CTNNA2: variants seen among roughly 807,000 people sequenced by gnomAD.
The protein encoded by CTNNA2 is catenin alpha 2, also known as catenin alpha-2.
A neutral mutation model predicts 101.0 loss-of-function variants in CTNNA2; 42 were observed. The observed-to-expected ratio is 0.42, with a 90% CI of 0.32 to 0.54. The LOEUF (loss-of-function observed/expected upper bound fraction) is 0.54. Ranked by LOEUF, CTNNA2 falls within the 20% of genes least tolerant of loss-of-function variation. The probability of loss-of-function intolerance (pLI) is 0.14; values close to 1 mark genes in which losing one functional copy is unlikely to be tolerated. For synonymous variants in CTNNA2, 450 were observed against 456.4 expected (o/e 0.99, Z 0.18); for missense variants, 871 against 1,223.1 (o/e 0.71, Z 4.29).
chr2:79,297,533 A>ATTTTG (rs1312221433), intron 2 of CTNNA2, among the ~76,000 whole-genome samples: 1 of 152,160 alleles, frequency 6.6e-6, no homozygotes, highest in Non-Finnish European at 1.5e-5. Context: ...GCTAGACTTC[A>ATTTTG]TGGTTCATTT....
chr2:80,131,671 C>T (rs756758973), intron 7 of CTNNA2, among the ~76,000 whole-genome samples: 2 of 152,088 alleles, frequency 1.3e-5, no homozygotes, highest in Non-Finnish European at 2.9e-5. Flanking sequence ...TTTTTTCCAC[C>T]CACCCCAAAT....
intron 4 of CTNNA2, among the ~76,000 whole-genome samples, chr2:79,393,621 T>C (rs1439480451): frequency 1.8e-5 from 2 of 113,322 alleles, no homozygotes; most frequent in African/African-American, 3.5e-5. Context: ...AAGAAGATGT[T>C]CACAGAGAAA....
chr2:80,129,360 G>A (rs1438548899), intron 7 of CTNNA2, among the ~76,000 whole-genome samples: 1 of 152,158 alleles, frequency 6.6e-6, no homozygotes, highest in Non-Finnish European at 1.5e-5. Flanking sequence ...AGCTTCAAAG[G>A]AGTAGCGAGT....
intron 1 of CTNNA2, among the ~76,000 whole-genome samples, chr2:79,520,709 A>T (rs1672056658): frequency 6.6e-6 from 1 of 152,168 alleles, no homozygotes; most frequent in African/African-American, 2.4e-5. Context: ...GAAAATATAC[A>T]AATATCTAAT....
At chr2:79,512,453 C>G (rs370103793), upstream of CTNNA2, among the ~76,000 whole-genome samples, 1 of 152,090 alleles carries the variant, frequency 6.6e-6, no homozygotes, top group Non-Finnish European at 1.5e-5. Flanking sequence ...CCCAACAAAC[C>G]TCCCTTCCGC....
chr2:80,044,370 A>G (rs1428521474), intron 7 of CTNNA2, among the ~76,000 whole-genome samples: 1 of 95,782 alleles, frequency 1.0e-5, no homozygotes, highest in Non-Finnish European at 2.1e-5. Context: ...GAGGATGCAA[A>G]TGCCACATTT....
chr2:79,539,415 TAA>T lies in CTNNA2; in HGVS notation c.-6+26210_-6+26211del, dbSNP rs374254685. On this transcript the variant is annotated intron_variant, in intron 1 of 18. Coordinates refer to ENST00000402739, the MANE Select transcript of CTNNA2 (RefSeq NM_001282597.3). ...TCTGTGGTCCTGGGTCCTCTGGATA[TAA>T]AGTCATGAAGGCTAAATCACTGTAA... Among the ~76,000 whole-genome samples the T allele has an allele frequency of 5.4e-4, 82 of 152,304 alleles. 2 individuals carry two copies. In the South Asian group the frequency reaches 0.015, roughly 28 times the overall value.
At chr2:80,219,844 A>G (rs1056248476) in intron 7 of CTNNA2, among the ~76,000 whole-genome samples, 2 of 152,222 alleles carry the variant, frequency 1.3e-5, no homozygotes, top group Admixed American at 1.3e-4. Context: ...TCCATTTAAC[A>G]TAAACACATC....
At chr2:79,222,583 T>C (rs919231125) in intron 2 of CTNNA2, among the ~76,000 whole-genome samples, 6 of 152,190 alleles carry the variant, frequency 3.9e-5, no homozygotes, top group African/African-American at 7.2e-5. Context: ...AGATCAATAC[T>C]TGCACATACC....
At chr2:80,154,220 T>C (rs768884646) in intron 7 of CTNNA2, among the ~76,000 whole-genome samples, 21 of 152,134 alleles carry the variant, frequency 1.4e-4, no homozygotes, top group Non-Finnish European at 2.5e-4. Context: ...TCATGGCTTT[T>C]TGGCTATTAA....
chr2:79,712,146 A>C (rs1276170825), intron 2 of CTNNA2, among the ~76,000 whole-genome samples: 1 of 152,164 alleles, frequency 6.6e-6, no homozygotes, highest in East Asian at 1.9e-4. Flanking sequence ...TCAACCTGTA[A>C]AGCAATTCTG....
intron 3 of CTNNA2, among the ~76,000 whole-genome samples, chr2:79,796,240 A>G (rs1675683945): frequency 1.3e-5 from 2 of 152,148 alleles, no homozygotes; most frequent in Admixed American, 1.3e-4. Flanking sequence ...GGAACTTAAG[A>G]AAGATTTTAA....
At chr2:79,352,714 A>G (rs1677418878) in intron 3 of CTNNA2, among the ~76,000 whole-genome samples, 1 of 152,096 alleles carries the variant, frequency 6.6e-6, no homozygotes, top group Non-Finnish European at 1.5e-5. Flanking sequence ...CTTCTTGATA[A>G]CTTCTTAAAA....
chr2:80,644,547 A>G (rs1169007436), intron 18 of CTNNA2, among the ~76,000 whole-genome samples: 3 of 152,190 alleles, frequency 2.0e-5, no homozygotes, highest in Admixed American at 2.0e-4. Flanking sequence ...ACCATCTTGG[A>G]AAGGCATAAA....
At chr2:80,572,823 A>G (rs1694713971) in intron 12 of CTNNA2, 1 of 152,234 alleles carries the variant, frequency 6.6e-6, no homozygotes, top group African/African-American at 2.4e-5. Context: ...ATAGTAATTC[A>G]TCCATAGAAG....
In CTNNA2 at chr2:79,671,990, TTTC is replaced by T. The variant is rs1203156628; in HGVS notation, c.102+20335_102+20337del. ...TACAGCTCAAATGAGCAAATTCAAT[TTTC>T]TTTACATACACACTTTATAACCTGA... On this transcript the variant is annotated intron_variant, in intron 2 of 18. Coordinates refer to ENST00000402739, the MANE Select transcript of CTNNA2 (RefSeq NM_001282597.3). Among the ~76,000 whole-genome samples the T allele has an allele frequency of 3.3e-5, 5 of 152,348 alleles. No homozygotes were observed. In the East Asian group the frequency reaches 7.7e-4, roughly 23 times the overall value.
intron 3 of CTNNA2, among the ~76,000 whole-genome samples, chr2:79,787,412 A>G (rs1054986277): frequency 6.6e-6 from 1 of 152,090 alleles, no homozygotes; most frequent in African/African-American, 2.4e-5. Context: ...AGTAAAGATG[A>G]GCTTAGCAGG....
At chr2:80,356,003 C>G (rs1190921794) in intron 7 of CTNNA2, among the ~76,000 whole-genome samples, 1 of 152,070 alleles carries the variant, frequency 6.6e-6, no homozygotes, top group Admixed American at 6.6e-5. Context: ...TCACTGTCCA[C>G]CTGCTGGATC....
intron 7 of CTNNA2, among the ~76,000 whole-genome samples, chr2:80,149,944 G>A (rs769663861): frequency 3.2e-4 from 49 of 152,216 alleles, no homozygotes; most frequent in Admixed American, 3.3e-4. Context: ...AAGAGTGAAC[G>A]CCAAAGCATC....
Sources: gnomAD v4.1 joint callset for allele counts (sites outside exome capture counted in the v4.1 genomes callset) on GRCh38, gnomAD v4.1.1 for gene constraint, MANE v1.5 for transcripts, NCBI Gene and HGNC (gene_info 2026-07-23, HGNC 2026-07-21) for gene names.